CPNE5: variants seen among roughly 807,000 people sequenced by gnomAD.
CPNE5 encodes the protein copine 5.
A neutral mutation model predicts 81.1 loss-of-function variants in CPNE5; 42 were observed. The observed-to-expected ratio is 0.52, with a 90% CI of 0.40 to 0.67. The LOEUF (loss-of-function observed/expected upper bound fraction) is 0.67. Ranked by LOEUF, CPNE5 falls within the 30% of genes least tolerant of loss-of-function variation. The pLI is 0.00. For missense variants in CPNE5, 612 were observed against 815.5 expected (o/e 0.75, Z 3.04); for synonymous variants, 313 against 321.5 (o/e 0.97, Z 0.28).
chr6:36,809,569 C>T (rs1770912190), intron 3 of CPNE5, among the ~76,000 whole-genome samples: 1 of 151,908 alleles, frequency 6.6e-6, no homozygotes, highest in African/African-American at 2.4e-5. Flanking sequence ...GAGCACGACG[C>T]TGTCTCAAAA....
chr6:36,780,855 A>G (rs745614944), intron 8 of CPNE5, among the ~76,000 whole-genome samples: 4 of 152,204 alleles, frequency 2.6e-5, no homozygotes, highest in Admixed American at 6.5e-5. Flanking sequence ...ATCCTTTGTT[A>G]CTTTTTACAA....
At chr6:36,760,934 T>C (rs236435) in intron 12 of CPNE5, among the ~76,000 whole-genome samples, 18,110 of 152,254 alleles carry the variant, frequency 0.12, 1,538 homozygotes, top group African/African-American at 0.24. Flanking sequence ...AGAGCTGTGC[T>C]CCTTTTTCAG....
chr6:36,753,922 GC>G (rs1463916791), intron 13 of CPNE5, among the ~76,000 whole-genome samples: 1 of 152,248 alleles, frequency 6.6e-6, no homozygotes, highest in Non-Finnish European at 1.5e-5. Context: ...TAGTTTGGGA[GC>G]CCCCTATTCA....
At chr6:36,831,502 C>T (rs1247052749) in intron 1 of CPNE5, among the ~76,000 whole-genome samples, 1 of 151,656 alleles carries the variant, frequency 6.6e-6, no homozygotes, top group African/African-American at 2.4e-5. Context: ...TACAGGCGCC[C>T]GCCACCACAC....
At position 36,794,792 on chromosome 6, in the gene CPNE5, G is replaced by A. The variant is rs144676996; in HGVS notation, c.405-143C>T. ...AACAGGATCAAAGCCACAGGCCAGA[G>A]CAAGTGGAGTCCTTCTTCTGGGCAA... is the stretch of plus-strand genomic sequence containing the variant. On this transcript the variant is annotated intron_variant, in intron 6 of 20. Coordinates refer to ENST00000244751, the MANE Select transcript of CPNE5 (RefSeq NM_020939.2). The A allele has an allele frequency of 7.0e-6, 5 of 716,866 alleles. No individual in the cohort carries two copies. In the East Asian group the frequency reaches 1.4e-4, roughly 20 times the overall value. 44.4% of individuals were successfully genotyped at this position (716,866 alleles called of 1,614,324 possible).
At chr6:36,836,767 C>G (rs1208906382) in intron 1 of CPNE5, among the ~76,000 whole-genome samples, 2 of 152,232 alleles carry the variant, frequency 1.3e-5, no homozygotes, top group Non-Finnish European at 2.9e-5. Flanking sequence ...CTCTTTCTCT[C>G]TGTTCTAGAA....
chr6:36,818,554 C>T (rs1771759474), intron 3 of CPNE5, among the ~76,000 whole-genome samples: 1 of 152,196 alleles, frequency 6.6e-6, no homozygotes, highest in African/African-American at 2.4e-5. Flanking sequence ...AAGCACTGAC[C>T]ATGCACCAAG....
At chr6:36,802,246 G>T (rs534129569) in intron 3 of CPNE5, among the ~76,000 whole-genome samples, 168 of 132,912 alleles carry the variant, frequency 1.3e-3, no homozygotes, top group African/African-American at 4.5e-3. Flanking sequence ...AAAAAAAAAA[G>T]GTTATGATGG....
chr6:36,803,228 T>C (rs1465709275), intron 3 of CPNE5, among the ~76,000 whole-genome samples: 1 of 152,160 alleles, frequency 6.6e-6, no homozygotes, highest in Non-Finnish European at 1.5e-5. Flanking sequence ...TTTCTCACCT[T>C]GTCACCTCGA....
intron 1 of CPNE5, among the ~76,000 whole-genome samples, chr6:36,838,488 C>T (rs1773729544): frequency 6.6e-6 from 1 of 152,212 alleles, no homozygotes; most frequent in Non-Finnish European, 1.5e-5. Context: ...AACCTGGGGT[C>T]GACCCAGCTC....
chr6:36,822,041 G>C, intron 3 of CPNE5, 73 bp downstream of exon 3: 1 of 1,365,456 alleles, frequency 7.3e-7, no homozygotes, highest in Non-Finnish European at 9.9e-7. Context: ...CAGGGAAATT[G>C]CTCCCGAATT....
chr6:36,746,668 C>T lies in CPNE5; in HGVS notation c.1019-91G>A, dbSNP rs1764204128. On this transcript the variant is annotated intron_variant, in intron 15 of 20. Coordinates refer to ENST00000244751, the MANE Select transcript of CPNE5 (RefSeq NM_020939.2). This position sits in a 1 kb window ranked among gnomAD's most constrained non-coding sequence, Gnocchi z 4.5. Reference sequence around the variant, plus strand: ...AAGAAGGGGGTGTCCAAGGGCACCCCTAACTTTTATTAATTCTTGACTCCT... The same window carrying T: ...AAGAAGGGGGTGTCCAAGGGCACCCTTAACTTTTATTAATTCTTGACTCCT... 8.6e-7 allele frequency: 1 copy of T among 1,158,400 alleles called. No homozygotes were observed. Among genetic ancestry groups the T allele is most frequent in the Non-Finnish European group, 1.2e-6 (1 of 813,688 alleles). 71.8% of individuals were successfully genotyped at this position (1,158,400 alleles called of 1,614,324 possible).
Position 36,745,378 on chromosome 6 carries a change from C to T in CPNE5, c.1328+10G>A, listed in dbSNP as rs539342486. ...TGTGAGTGCCTGGAGGCGGTGGCAGCGGCACTCACCTGGCCACGTGGGTGA... is the reference window on the plus strand; with the variant it reads ...TGTGAGTGCCTGGAGGCGGTGGCAGTGGCACTCACCTGGCCACGTGGGTGA... On this transcript the variant is annotated intron_variant, in intron 17 of 20. Coordinates refer to ENST00000244751, the MANE Select transcript of CPNE5 (RefSeq NM_020939.2). The T allele has an allele frequency of 1.8e-5, 29 of 1,600,282 alleles. No individual in the cohort carries two copies. Among genetic ancestry groups the T allele is most frequent in the Middle Eastern group, 1.8e-4 (1 of 5,590 alleles).
At chr6:36,838,659 A>T in intron 1 of CPNE5, 1 of 588,726 alleles carries the variant, frequency 1.7e-6, no homozygotes, top group Non-Finnish European at 2.1e-6. Flanking sequence ...TTATTTTTTT[A>T]ATGGTGCCAC....
intron 10 of CPNE5, among the ~76,000 whole-genome samples, chr6:36,771,502 A>G (rs1039762367): frequency 4.6e-5 from 7 of 152,214 alleles, no homozygotes; most frequent in African/African-American, 1.4e-4. Context: ...CACTTAGAGC[A>G]GGGCCTGGCC....
intron 1 of CPNE5, among the ~76,000 whole-genome samples, chr6:36,824,001 G>A (rs1057506776): frequency 1.3e-5 from 2 of 152,260 alleles, no homozygotes; most frequent in South Asian, 2.1e-4. Context: ...CAGTGGAAAC[G>A]CAGTCTCTGG....
Position 36,838,538 on chromosome 6 carries a change from G to A in CPNE5, c.95+745C>T, listed in dbSNP as rs184077140. On this transcript the variant is annotated intron_variant, in intron 1 of 20. Coordinates refer to ENST00000244751, the MANE Select transcript of CPNE5 (RefSeq NM_020939.2). The stretch of plus-strand genomic sequence containing the variant: ...TACCCCCAAACCCTGTGTGACATGA[G>A]TGAAGATTTGGGCGTGGTAGCCCAC... 6.6e-5 allele frequency among the ~76,000 whole-genome samples: 10 copies of A among 152,384 alleles called. No individual in the cohort carries two copies. In the East Asian group the frequency reaches 1.5e-3, roughly 24 times the overall value.
At chr6:36,752,964 C>T (rs564147978) in intron 14 of CPNE5, 70 bp downstream of exon 14, 17 of 1,307,210 alleles carry the variant, frequency 1.3e-5, no homozygotes, top group Middle Eastern at 4.7e-4. Flanking sequence ...GGGCCAGAGC[C>T]GGTCCTGTCG....
chr6:36,745,657 G>A, intron 16 of CPNE5, 142 bp from the exon 17 acceptor site: 1 of 916,994 alleles, frequency 1.1e-6, no homozygotes, highest in African/African-American at 1.7e-5. Context: ...GGGCAGGGGA[G>A]GGAGCTCCCA....
Sources: allele counts gnomAD v4.1 joint callset (sites outside exome capture counted in the v4.1 genomes callset), GRCh38; gene constraint gnomAD v4.1.1; non-coding constraint Gnocchi (gnomAD v3.1); transcripts MANE v1.5; gene names NCBI Gene and HGNC (gene_info 2026-07-23, HGNC 2026-07-21).